The following SCUBE3 variants were observed in gnomAD, a reference collection of about 807,000 sequenced individuals.
SCUBE3 encodes the protein signal peptide, CUB and EGF-like domain-containing protein 3.
SCUBE3 carries 33 observed loss-of-function variants against 116.8 expected under a neutral mutation model. That is an observed-to-expected ratio of 0.28 (90% CI 0.21 to 0.38). The LOEUF (loss-of-function observed/expected upper bound fraction) is 0.38, where lower values mean the gene tolerates loss of function less well. Ranked by LOEUF, SCUBE3 falls within the 10% of genes least tolerant of loss-of-function variation. The pLI, the probability that SCUBE3 is intolerant of heterozygous loss-of-function variation, is 1.00. For synonymous variants in SCUBE3, 418 were observed against 496.9 expected (o/e 0.84, Z 2.11); for missense variants, 1,007 against 1,324.8 (o/e 0.76, Z 3.72).
At chr6:35,218,090 C>T in intron 1 of SCUBE3, 1 of 977,688 alleles carries the variant, frequency 1.0e-6, no homozygotes, top group Non-Finnish European at 1.2e-6. Context: ...CAGTCATCAG[C>T]AGCCCTCAAA....
chr6:35,214,461 C>A lies in SCUBE3; in HGVS notation c.43C>A (p.Leu15Met). The A allele has an allele frequency of 1.3e-6, 2 of 1,510,132 alleles. No homozygotes were observed. Among genetic ancestry groups the A allele is most frequent in the East Asian group, 2.8e-5 (1 of 36,062 alleles). The allele number at this position is 1,510,132 out of a possible 1,614,324, so 93.5% of individuals were successfully genotyped here. ...ACCCGGGCTCTGCCTGCTTGTCCTG[C>A]TGGTCCACGCCCGCGCCGCCCAGTA... The part of the protein sequence containing the change: ...RVPGLCLLVL[L>M]VHARAAQYSK... Residue 15 changes from leucine to methionine, a missense_variant, in exon 1 of 22, where the codon CTG (leucine) becomes ATG (methionine). Physicochemically the swap from Leu to Met is conservative, Grantham distance 15 (BLOSUM62 2). Transcript: ENST00000274938. The surrounding 1 kb of genome is among the most constrained non-coding windows in gnomAD (Gnocchi z 6.3).
Position 35,248,929 on chromosome 6 carries a change from C to T in SCUBE3, c.*224C>T. On this transcript the variant is annotated 3_prime_UTR_variant, in exon 22 of 22. Transcript: ENST00000274938. ...TGTTCCCCCTTTTCTAACACACTAC[C>T]TAGAAAAGCCATTCAGTACTGGCTC... 1 of 561,742 alleles carries T rather than the reference C, an allele frequency of 1.8e-6. No individual in the cohort carries two copies. The highest frequency in any genetic ancestry group is 3.2e-6 in the Non-Finnish European group (1 of 316,298). 34.8% of individuals were successfully genotyped at this position (561,742 alleles called of 1,614,324 possible).
chr6:35,230,379 TAG>T (rs1783495004), intron 3 of SCUBE3, among the ~76,000 whole-genome samples: 1 of 152,172 alleles, frequency 6.6e-6, no homozygotes, highest in Admixed American at 6.5e-5. Context: ...TGATTAGGTA[TAG>T]AGAGGGTCAA....
chr6:35,214,403 G>C lies in SCUBE3; in HGVS notation c.-16G>C, dbSNP rs1370474466. ...CGAGACCGGCCCCGGCGGCTGGGCC[G>C]CCAGTAGCTCCAGCCATGGGCTCGG... On this transcript the variant is annotated 5_prime_UTR_variant, in exon 1 of 22. Coordinates refer to ENST00000274938, the MANE Select transcript of SCUBE3 (RefSeq NM_152753.4). The surrounding 1 kb of genome is among the most constrained non-coding windows in gnomAD (Gnocchi z 6.3). 7.0e-7 allele frequency: 1 copy of C among 1,423,278 alleles called. No individual in the cohort carries two copies. The allele number at this position is 1,423,278 out of a possible 1,614,324, so 88.2% of individuals were successfully genotyped here.
rs762558654 is a variant in SCUBE3, at chr6:35,244,644, C to T, written c.2240-6C>T. On this transcript the variant is annotated splice_region_variant and splice_polypyrimidine_tract_variant and intron_variant, in intron 17 of 21. Transcript: ENST00000274938. The surrounding 1 kb of genome is among the most constrained non-coding windows in gnomAD (Gnocchi z 4.3). ...CTTGATTCCTGCCCTTCTCCCTTGCCTACAGTCCAGTGCTCCCCAGGGCAC... is the reference window on the plus strand; with the variant it reads ...CTTGATTCCTGCCCTTCTCCCTTGCTTACAGTCCAGTGCTCCCCAGGGCAC... The T allele has an allele frequency of 3.1e-6, 5 of 1,613,486 alleles. No homozygotes were observed. Among genetic ancestry groups the T allele is most frequent in the Non-Finnish European group, 4.2e-6 (5 of 1,179,510 alleles).
Position 35,219,381 on chromosome 6 carries a change from T to TGCAGATCAAGCACTGC in SCUBE3, c.85+4879_85+4894dup, listed in dbSNP as rs1469480470. On this transcript the variant is annotated intron_variant, in intron 1 of 21. Transcript: ENST00000274938. This position sits in a 1 kb window ranked among gnomAD's most constrained non-coding sequence, Gnocchi z 4.7. ...CTGCCCTAGCCTAGACATGTCCCCC[T>TGCAGATCAAGCACTGC]GCAGATCAAGCACTGCTTTGTAGTT... is the stretch of plus-strand genomic sequence containing the variant. 7.9e-5 allele frequency among the ~76,000 whole-genome samples: 12 copies of TGCAGATCAAGCACTGC among 152,298 alleles called. No homozygotes were observed. In the East Asian group the frequency reaches 2.3e-3, roughly 29 times the overall value.
Position 35,245,277 on chromosome 6 carries a change from C to G in SCUBE3, c.2451C>G (p.Ser817=), listed in dbSNP as rs1057253563. 5 of 1,614,080 alleles carry G rather than the reference C, an allele frequency of 3.1e-6. No homozygotes were observed. In the South Asian group the frequency reaches 5.5e-5, roughly 18 times the overall value. The change falls in exon 19 of 22, where the codon TCC becomes TCG. Residue 817 remains serine, a synonymous_variant. Coordinates refer to ENST00000274938, the MANE Select transcript of SCUBE3 (RefSeq NM_152753.4). The surrounding 1 kb of genome is among the most constrained non-coding windows in gnomAD (Gnocchi z 4.2). ...GTGAGTTCACTGGCTATATTGAGTC[C>G]CCCAACTACCCGGGCAACTACCCAG... ...ELGEFTGYIE[S]PNYPGNYPAG...
chr6:35,228,866 G>C lies in SCUBE3; in HGVS notation c.334+127G>C. ...AGAGCTACATTCACAAGAGAATAAGGTCAGCCTCCCCTTTGAGACTGGCCA... is the reference window on the plus strand; with the variant it reads ...AGAGCTACATTCACAAGAGAATAAGCTCAGCCTCCCCTTTGAGACTGGCCA... On this transcript the variant is annotated intron_variant, in intron 3 of 21. Transcript: ENST00000274938. The surrounding 1 kb of genome is among the most constrained non-coding windows in gnomAD (Gnocchi z 4.9). 1 of 1,004,594 alleles carries C rather than the reference G, an allele frequency of 1.0e-6. No individual in the cohort carries two copies. Among genetic ancestry groups the C allele is most frequent in the Non-Finnish European group, 1.5e-6 (1 of 652,912 alleles). 62.2% of individuals were successfully genotyped at this position (1,004,594 alleles called of 1,614,324 possible).
chr6:35,214,114 C>A lies in SCUBE3; in HGVS notation c.-305C>A, dbSNP rs1354608983. Among the ~76,000 whole-genome samples the A allele has an allele frequency of 6.6e-6, 1 of 152,208 alleles. No individual in the cohort carries two copies. Among genetic ancestry groups the A allele is most frequent in the African/African-American group, 2.4e-5 (1 of 41,464 alleles). On this transcript the variant is annotated 5_prime_UTR_variant, in exon 1 of 22. Coordinates refer to ENST00000274938, the MANE Select transcript of SCUBE3 (RefSeq NM_152753.4). The surrounding 1 kb of genome is among the most constrained non-coding windows in gnomAD (Gnocchi z 6.3). ...GTGGGATTACACGGAGCAGCCCCGC[C>A]GCCGCCGCTGGCAGAGGCCGGCTTG...
chr6:35,234,281 T>C (rs953610286), intron 6 of SCUBE3, among the ~76,000 whole-genome samples: 3 of 152,198 alleles, frequency 2.0e-5, no homozygotes, highest in Admixed American at 2.0e-4. Context: ...TCTGGTGGGC[T>C]GTGGCATGCT....
chr6:35,241,693 G>C lies in SCUBE3; in HGVS notation c.1312+34G>C, dbSNP rs1784061162. 6.5e-7 allele frequency: 1 copy of C among 1,542,170 alleles called. No homozygotes were observed. The highest frequency in any genetic ancestry group is 1.1e-5 in the South Asian group (1 of 89,648). ...GAGGAGGGTGCTGGAGAGCTTTGGA[G>C]GAGAAAAGAGGAAGGACTGGCCGTT... On this transcript the variant is annotated intron_variant, in intron 11 of 21. Coordinates refer to ENST00000274938, the MANE Select transcript of SCUBE3 (RefSeq NM_152753.4). This position sits in a 1 kb window ranked among gnomAD's most constrained non-coding sequence, Gnocchi z 4.1.
chr6:35,241,549 T>C lies in SCUBE3; in HGVS notation c.1202T>C (p.Leu401Pro). The C allele has an allele frequency of 6.2e-7, 1 of 1,611,404 alleles. No homozygotes were observed. Among genetic ancestry groups the C allele is most frequent in the Non-Finnish European group, 8.5e-7 (1 of 1,177,478 alleles). The change falls in exon 11 of 22, where the codon CTG (leucine) becomes CCG (proline). Residue 401 changes from leucine to proline, a missense_variant. Physicochemically the swap from Leu to Pro is moderately conservative, Grantham distance 98. Coordinates refer to ENST00000274938, the MANE Select transcript of SCUBE3 (RefSeq NM_152753.4). The surrounding 1 kb of genome is among the most constrained non-coding windows in gnomAD (Gnocchi z 4.1). ...GCCTCTCTCCCCTTCCTAGAGCCACTGAAGTGTCAGGGCAGTCCTGGGGCC... is the reference window on the plus strand; with the variant it reads ...GCCTCTCTCCCCTTCCTAGAGCCACCGAAGTGTCAGGGCAGTCCTGGGGCC... ...HWNGKDCTEP[L>P]KCQGSPGASK...
intron 21 of SCUBE3, among the ~76,000 whole-genome samples, chr6:35,246,527 T>C (rs1286084066): frequency 6.6e-6 from 1 of 152,100 alleles, no homozygotes; most frequent in Admixed American, 6.5e-5. Context: ...TCACCCACAC[T>C]ATATTACACC....
At position 35,246,106 on chromosome 6, in the gene SCUBE3, G is replaced by A. The variant is rs1440926258; in HGVS notation, c.2752+10G>A. The A allele has an allele frequency of 6.2e-7, 1 of 1,613,998 alleles. No individual in the cohort carries two copies. Among genetic ancestry groups the A allele is most frequent in the South Asian group, 1.1e-5 (1 of 91,078 alleles). ...TATGTTACCTATGATGGTAAGCCAA[G>A]GAGGTGGGTGAGAAGGGGAGGTATG... is the stretch of plus-strand genomic sequence containing the variant. On this transcript the variant is annotated intron_variant, in intron 20 of 21. Coordinates refer to ENST00000274938, the MANE Select transcript of SCUBE3 (RefSeq NM_152753.4).
In SCUBE3 at chr6:35,228,567, T is replaced by C. The variant is rs1418403926; in HGVS notation, c.209-47T>C. ...TAAGGCTGAGTCTGGGGGTGGACAG[T>C]GGGTTCGCAGGTGGGTTCAGCTGTC... On this transcript the variant is annotated intron_variant, in intron 2 of 21. Coordinates refer to ENST00000274938, the MANE Select transcript of SCUBE3 (RefSeq NM_152753.4). The surrounding 1 kb of genome is among the most constrained non-coding windows in gnomAD (Gnocchi z 4.9). 1.2e-6 allele frequency: 2 copies of C among 1,604,772 alleles called. No homozygotes were observed. The highest frequency in any genetic ancestry group is 2.7e-5 in the African/African-American group (2 of 74,700).
Position 35,240,301 on chromosome 6 carries a change from C to A in SCUBE3, c.953-73C>A. The A allele has an allele frequency of 1.2e-6, 1 of 822,542 alleles. No homozygotes were observed. Among genetic ancestry groups the A allele is most frequent in the Non-Finnish European group, 1.9e-6 (1 of 517,284 alleles). The allele number at this position is 822,542 out of a possible 1,614,324, so 51.0% of individuals were successfully genotyped here. On this transcript the variant is annotated intron_variant, in intron 8 of 21. Coordinates refer to ENST00000274938, the MANE Select transcript of SCUBE3 (RefSeq NM_152753.4). The surrounding 1 kb of genome is among the most constrained non-coding windows in gnomAD (Gnocchi z 4.6). Reference sequence around the variant, plus strand: ...CAAGGGGGAAAGCCAAGGCCCCTCACTTGGGTCCTTCACCTGAGCAAGGGT... The same window carrying A: ...CAAGGGGGAAAGCCAAGGCCCCTCAATTGGGTCCTTCACCTGAGCAAGGGT...
rs895235479 is a variant in SCUBE3 at position 35,240,984 on chromosome 6, A to G, written c.1070-157A>G. Among the ~76,000 whole-genome samples the G allele has an allele frequency of 1.3e-5, 2 of 152,236 alleles. No individual in the cohort carries two copies. The highest frequency in any genetic ancestry group is 3.8e-4 in the East Asian group (2 of 5,200). On this transcript the variant is annotated intron_variant, in intron 9 of 21. Coordinates refer to ENST00000274938, the MANE Select transcript of SCUBE3 (RefSeq NM_152753.4). This position sits in a 1 kb window ranked among gnomAD's most constrained non-coding sequence, Gnocchi z 4.6. ...TGTACACTACAGTATTTATGTGCCTATAGGCACACTGTTGTACAGTAGATC... is the reference window on the plus strand; with the variant it reads ...TGTACACTACAGTATTTATGTGCCTGTAGGCACACTGTTGTACAGTAGATC...
rs1184027414 is a variant in SCUBE3 at position 35,245,494 on chromosome 6, G to C, written c.2599+69G>C. ...CTGGTTAAGGCGGAGAACAAAGAGA[G>C]AGACTGATACAGGAAGAAATGGGGC... On this transcript the variant is annotated intron_variant, in intron 19 of 21. Coordinates refer to ENST00000274938, the MANE Select transcript of SCUBE3 (RefSeq NM_152753.4). The surrounding 1 kb of genome is among the most constrained non-coding windows in gnomAD (Gnocchi z 4.2). The C allele has an allele frequency of 3.8e-6, 5 of 1,310,702 alleles. No homozygotes were observed. The highest frequency in any genetic ancestry group is 1.4e-5 in the African/African-American group (1 of 69,048). 81.2% of individuals were successfully genotyped at this position (1,310,702 alleles called of 1,614,324 possible).
In SCUBE3 at chr6:35,240,608, G is replaced by A. The variant is rs1783995598; in HGVS notation, c.1069+118G>A. 1 of 556,836 alleles carries A rather than the reference G, an allele frequency of 1.8e-6. No homozygotes were observed. The highest frequency in any genetic ancestry group is 3.2e-6 in the Non-Finnish European group (1 of 310,386). 34.5% of individuals were successfully genotyped at this position (556,836 alleles called of 1,614,324 possible). On this transcript the variant is annotated intron_variant, in intron 9 of 21. Coordinates refer to ENST00000274938, the MANE Select transcript of SCUBE3 (RefSeq NM_152753.4). The surrounding 1 kb of genome is among the most constrained non-coding windows in gnomAD (Gnocchi z 4.6). ...GGCAATCCCTGGATGCATGCACCATGTCTGCATCCGCTGTGACAAAATAGG... is the reference window on the plus strand; with the variant it reads ...GGCAATCCCTGGATGCATGCACCATATCTGCATCCGCTGTGACAAAATAGG...
Sources: allele counts gnomAD v4.1 joint callset (sites outside exome capture counted in the v4.1 genomes callset), GRCh38; gene constraint gnomAD v4.1.1; non-coding constraint Gnocchi (gnomAD v3.1); transcripts MANE v1.5; gene names NCBI Gene and HGNC (gene_info 2026-07-23, HGNC 2026-07-21).